The following DLG3 variants were observed in gnomAD, a reference collection of about 807,000 sequenced individuals.
The protein encoded by DLG3 is discs large MAGUK scaffold protein 3.
A neutral mutation model predicts 64.1 loss-of-function variants in DLG3; 1 was observed. That is an observed-to-expected ratio of 0.02 (90% CI 0.01 to 0.07). The LOEUF is 0.07. DLG3 is among the 10% of genes least tolerant of loss of function. The pLI, the probability that DLG3 is intolerant of heterozygous loss-of-function variation, is 1.00. For missense variants in DLG3, 429 were observed against 669.5 expected, an observed-to-expected ratio of 0.64 and a Z score of 3.96; for synonymous variants, 245 against 259.8, an observed-to-expected ratio of 0.94 and a Z score of 0.55.
rs146992004 is a variant in DLG3 at position 70,488,734 on chromosome X, G to A, written c.1521-3373G>A. On this transcript the variant is annotated intron_variant, in intron 10 of 18. Coordinates refer to ENST00000374360, the MANE Select transcript of DLG3 (RefSeq NM_021120.4). ...ACAAAATGACCTCTGAGGCTTTAGCGGTCTGCAAAATTCTTTTTCTATTTG... is the reference window on the plus strand; with the variant it reads ...ACAAAATGACCTCTGAGGCTTTAGCAGTCTGCAAAATTCTTTTTCTATTTG... Among the ~76,000 whole-genome samples the A allele has an allele frequency of 2.3e-3, 256 of 111,826 alleles. 8 individuals are homozygous for A. In the East Asian group the frequency reaches 0.059, roughly 26 times the overall value.
chrX:70,450,488 C>A, intron 5 of DLG3, 151 bp from the exon 6 acceptor site: 1 of 910,432 alleles, frequency 1.1e-6, no homozygotes, highest in Non-Finnish European at 1.5e-6. Flanking sequence ...GGGTCTTGCC[C>A]TATCCCCTAC....
rs951379407 is a variant in DLG3, at chrX:70,500,323, G to A, written c.2146-148G>A. 10 of 556,426 alleles carry A rather than the reference G, an allele frequency of 1.8e-5. No individual in the cohort carries two copies. The African/African-American group carries it at 1.8e-4, about 10-fold the overall frequency. The allele number at this position is 556,426 out of a possible 1,213,427, so 45.9% of individuals were successfully genotyped here. A position where few individuals can be genotyped will look rare whatever the true frequency, so the allele number is the denominator to read the frequency against. ...GTAGGGCCTGTCTACTTCAGAGATC[G>A]AATTTCTTAGGCCACTTTGGGTGGC... On this transcript the variant is annotated intron_variant, in intron 16 of 18. Coordinates refer to ENST00000374360, the MANE Select transcript of DLG3 (RefSeq NM_021120.4).
Position 70,479,198 on chromosome X carries a change from T to C in DLG3, c.1454T>C (p.Met485Thr). ...SKIHDLREQM[M>T]NSSMSSGSGS... ...ATACATGACTTACGAGAACAAATGA[T>C]GAACAGCAGCATGAGCTCTGGGTCT... The change falls in exon 10 of 19, where the codon ATG becomes ACG. Residue 485 changes from methionine to threonine, a missense_variant. Met to Thr is a moderately conservative substitution (Grantham distance 81, BLOSUM62 -1). This residue lies in a region of DLG3 where 46 missense variants were observed against 52.3 expected (regional missense o/e 0.88). Coordinates refer to ENST00000374360, the MANE Select transcript of DLG3 (RefSeq NM_021120.4). 1.7e-5 allele frequency: 21 copies of C among 1,211,668 alleles called. No homozygotes were observed. Among genetic ancestry groups the C allele is most frequent in the Non-Finnish European group, 2.2e-5 (20 of 895,294 alleles).
chrX:70,482,660 G>GTTTTTTTTTTTTTTTTTTTT (rs200729766), intron 10 of DLG3, among the ~76,000 whole-genome samples: 1 of 69,250 alleles, frequency 1.4e-5, no homozygotes. Flanking sequence ...TACATGTGTG[G>GTTTTTTTTTTTTTTTTTTTT]TGTTTTTTTT....
intron 9 of DLG3, among the ~76,000 whole-genome samples, chrX:70,466,468 T>G (rs1014721010): frequency 2.8e-5 from 3 of 107,819 alleles, no homozygotes; most frequent in African/African-American, 1.0e-4. Flanking sequence ...TGATTGAGTC[T>G]TGCTCTGTTG....
At chrX:70,478,070 T>C (rs1000323713) in intron 9 of DLG3, among the ~76,000 whole-genome samples, 1 of 112,490 alleles carries the variant, frequency 8.9e-6, no homozygotes, top group African/African-American at 3.2e-5. Context: ...GTATAAATTT[T>C]GACTCGCTTC....
In DLG3 at chrX:70,449,855, C is replaced by G. The variant is rs759695364; in HGVS notation, c.699C>G (p.Pro233=). The G allele has an allele frequency of 1.2e-4, 139 of 1,178,173 alleles. No individual in the cohort carries two copies. The highest frequency in any genetic ancestry group is 1.4e-4 in the Non-Finnish European group (124 of 878,920). The change falls in exon 4 of 19, where the codon CCC becomes CCG. Residue 233 remains proline, a synonymous_variant. Transcript: ENST00000374360. ...TGGAGGTCAACCTGCTCAAAGGGCC[C>G]AAAGGTGCGGCCCTCCAGGTTCCTG... The part of the protein sequence containing the change: ...TIMEVNLLKG[P]KGLGFSIAGG...
chrX:70,457,331 GA>G (rs1441254904), intron 9 of DLG3, among the ~76,000 whole-genome samples: 1 of 111,858 alleles, frequency 8.9e-6, no homozygotes, highest in Non-Finnish European at 1.9e-5. Flanking sequence ...ATGTGGAGGG[GA>G]AGGTTAGAGT....
At chrX:70,452,865 C>T in intron 7 of DLG3, 1 of 780,201 alleles carries the variant, frequency 1.3e-6, no homozygotes, top group East Asian at 3.5e-5. Flanking sequence ...TGGGCTCCTC[C>T]GAGGAAAGAT....
intron 1 of DLG3, among the ~76,000 whole-genome samples, chrX:70,447,525 TCTC>T: frequency 8.9e-6 from 1 of 111,946 alleles, no homozygotes; most frequent in East Asian, 2.8e-4. Context: ...CCTCTCTCCC[TCTC>T]CTCCTCTCTG....
intron 1 of DLG3, among the ~76,000 whole-genome samples, chrX:70,446,926 T>C (rs2086574431): frequency 8.9e-6 from 1 of 112,347 alleles, no homozygotes; most frequent in Non-Finnish European, 1.9e-5. Context: ...GGGGACTTCC[T>C]GGGGAGAAGA....
chrX:70,484,920 T>C (rs767786463), intron 10 of DLG3, among the ~76,000 whole-genome samples: 1 of 111,728 alleles, frequency 9.0e-6, no homozygotes, highest in Non-Finnish European at 1.9e-5. Context: ...AGTGCTCGGG[T>C]TTGTGCTGTT....
Position 70,445,554 on chromosome X carries a change from A to G in DLG3, c.353A>G (p.Glu118Gly). ...ECTCTNRDWYEQVNGSDGMFK... is the reference protein window; with the variant it reads ...ECTCTNRDWYGQVNGSDGMFK... ...ACCTGTACCAACCGGGACTGGTATG[A>G]GCAGGTATGGACCAGCGGAGGGGGG... Residue 118 changes from glutamate (E) to glycine (G), a missense_variant, in exon 1 of 19, where the codon GAG (glutamate) becomes GGG (glycine). Transcript: ENST00000374360. 3 of 1,179,284 alleles carry G rather than the reference A, an allele frequency of 2.5e-6. No homozygotes were observed. The highest frequency in any genetic ancestry group is 3.4e-6 in the Non-Finnish European group (3 of 878,874).
rs1381910700 is a variant in DLG3 at position 70,451,949 on chromosome X, C to T, written c.1068C>T (p.Tyr356=). 1 of 1,211,377 alleles carries T rather than the reference C, an allele frequency of 8.3e-7. No individual in the cohort carries two copies. Among genetic ancestry groups the T allele is most frequent in the Admixed American group, 2.2e-5 (1 of 46,047 alleles). The change falls in exon 7 of 19, where the codon TAC becomes TAT. Residue 356 remains tyrosine, a synonymous_variant. Transcript: ENST00000374360. ...GGGCTGTGGAGAGCAAGGTCAGCTA[C>T]CCTGCTCCTCCTCAGGTTCCCCCCA... The part of the protein sequence containing the change: ...YLGAVESKVS[Y]PAPPQVPPTR...
rs775764782 is a variant in DLG3 at position 70,445,489 on chromosome X, C to G, written c.288C>G (p.Pro96=). ...PPKPVPGKST[P]KLNGSGPSWW... ...AGCCAGTCCCGGGCAAGAGCACCCC[C>G]AAACTCAACGGCAGCGGCCCCAGCT... is the stretch of plus-strand genomic sequence containing the variant. Residue 96 remains proline, a synonymous_variant, in exon 1 of 19, where the codon CCC becomes CCG. Transcript: ENST00000374360. The G allele has an allele frequency of 1.3e-5, 15 of 1,199,000 alleles. No individual in the cohort carries two copies. The East Asian group carries it at 1.5e-4, about 12-fold the overall frequency.
chrX:70,455,874 C>CTAT (rs2086698073), intron 9 of DLG3: 1 of 111,756 alleles, frequency 8.9e-6, no homozygotes, highest in Non-Finnish European at 1.9e-5. Flanking sequence ...GGCAGGTGCT[C>CTAT]TATTTCCGCG....
intron 13 of DLG3, among the ~76,000 whole-genome samples, chrX:70,497,766 G>T (rs1001823443): frequency 8.9e-6 from 1 of 112,259 alleles, no homozygotes; most frequent in Non-Finnish European, 1.9e-5. Context: ...TAGAAGCCTT[G>T]TAAAATCTGC....
chrX:70,449,726 C>T lies in DLG3; in HGVS notation c.570C>T (p.Asp190=), dbSNP rs794727648. 4 of 1,209,167 alleles carry T rather than the reference C, an allele frequency of 3.3e-6. No homozygotes were observed. The highest frequency in any genetic ancestry group is 4.5e-6 in the Non-Finnish European group (4 of 895,024). Residue 190 remains aspartate (D), a synonymous_variant, in exon 4 of 19, where the codon GAC becomes GAT. Transcript: ENST00000374360. ...GTGTGCTGCGGGTGAATGAGGTGGA[C>T]GTGTCGGAGGTGGTACACAGCCGGG... The part of the protein sequence containing the change: ...NDCVLRVNEV[D]VSEVVHSRAV...
At chrX:70,451,444 T>C (rs2086618009) in intron 6 of DLG3, among the ~76,000 whole-genome samples, 1 of 111,401 alleles carries the variant, frequency 9.0e-6, no homozygotes, top group Non-Finnish European at 1.9e-5. Context: ...GACAAGTCCC[T>C]TTCACCTGTT....
Sources: allele counts gnomAD v4.1 joint callset (sites outside exome capture counted in the v4.1 genomes callset), GRCh38; gene constraint gnomAD v4.1.1; regional missense constraint gnomAD v4.1.1; transcripts MANE v1.5; gene names NCBI Gene and HGNC (gene_info 2026-07-23, HGNC 2026-07-21).